The following ZBTB20 variants were observed in gnomAD, a reference collection of about 807,000 sequenced individuals.
The protein encoded by ZBTB20 is zinc finger and BTB domain-containing protein 20.
Under a neutral mutation model 56.9 loss-of-function variants are expected in ZBTB20, and 9 were observed. The ratio of observed to expected loss-of-function variants is 0.16; its 90% CI spans 0.10 to 0.28. The LOEUF is 0.28. Among genes scored for constraint, ZBTB20 ranks in the 10% least tolerant of loss-of-function variants. The pLI, the probability that ZBTB20 is intolerant of heterozygous loss-of-function variation, is 1.00. For synonymous variants in ZBTB20, 417 were observed against 420.7 expected (o/e 0.99, Z 0.11); for missense variants, 655 against 1,003.0 (o/e 0.65, Z 4.69).
In ZBTB20 at chr3:114,338,950, G is replaced by GT; in HGVS notation, c.*54dup. ...TTCTAGTGCCATAGCTTTTTTGTTT[G>GT]TTTGTTTTTTGTTGTTGTTTTGTTT... On this transcript the variant is annotated 3_prime_UTR_variant, in exon 12 of 12. Transcript: ENST00000675478. The GT allele has an allele frequency of 2.1e-6, 3 of 1,450,434 alleles. No individual in the cohort carries two copies. The highest frequency in any genetic ancestry group is 2.7e-6 in the Non-Finnish European group (3 of 1,094,452). The allele number at this position is 1,450,434 out of a possible 1,614,324, so 89.8% of individuals were successfully genotyped here.
chr3:114,458,453 T>C (rs1369167744), intron 7 of ZBTB20, among the ~76,000 whole-genome samples: 1 of 152,216 alleles, frequency 6.6e-6, no homozygotes, highest in Admixed American at 6.6e-5. Context: ...TTGAAGCTTT[T>C]TGTTTGGCAA....
chr3:114,603,760 T>C lies in ZBTB20; in HGVS notation c.-295+89768A>G, dbSNP rs149272333. On this transcript the variant is annotated intron_variant, in intron 6 of 11. Transcript: ENST00000675478. ...GATGAACAGACACCTTATGGAAAAA[T>C]AAACGCTAATGACATTAAACATATT... Among the ~76,000 whole-genome samples the C allele has an allele frequency of 8.6e-5, 13 of 151,764 alleles. 1 individual carries two copies. The East Asian group carries it at 1.9e-3, about 23-fold the overall frequency.
At chr3:114,868,934 G>A (rs569059125) in intron 4 of ZBTB20, among the ~76,000 whole-genome samples, 3 of 151,708 alleles carry the variant, frequency 2.0e-5, no homozygotes, top group African/African-American at 7.2e-5. Flanking sequence ...TTTTTTTGCA[G>A]GAAAAAGGTT....
intron 1 of ZBTB20, among the ~76,000 whole-genome samples, chr3:115,130,625 T>A (rs2084476147): frequency 6.6e-6 from 1 of 152,190 alleles, no homozygotes; most frequent in African/African-American, 2.4e-5. Flanking sequence ...AAAATTCTGG[T>A]AGCACGTGGT....
At chr3:114,741,875 T>TA (rs554920594) in intron 5 of ZBTB20, among the ~76,000 whole-genome samples, 13,092 of 100,274 alleles carry the variant, frequency 0.13, 915 homozygotes, top group East Asian at 0.39. Context: ...AGCAAGACTG[T>TA]AAAAAAAAAA....
chr3:114,772,255 C>T (rs1476867848), intron 5 of ZBTB20, among the ~76,000 whole-genome samples: 1 of 152,052 alleles, frequency 6.6e-6, no homozygotes, highest in African/African-American at 2.4e-5. Context: ...GCAGGAGAAT[C>T]GCTTGAACCT....
chr3:114,678,688 C>T (rs560640301), intron 6 of ZBTB20, among the ~76,000 whole-genome samples: 17 of 152,172 alleles, frequency 1.1e-4, no homozygotes, highest in East Asian at 1.9e-4. Flanking sequence ...GGTTCGAGTA[C>T]GTAGAATTAC....
intron 10 of ZBTB20, among the ~76,000 whole-genome samples, chr3:114,352,376 C>T (rs1042561669): frequency 3.9e-5 from 6 of 152,218 alleles, no homozygotes; most frequent in African/African-American, 7.2e-5. Context: ...TATTCATACA[C>T]AGTGACCATA....
At chr3:114,771,299 T>C (rs1310461048) in intron 5 of ZBTB20, among the ~76,000 whole-genome samples, 1 of 152,182 alleles carries the variant, frequency 6.6e-6, no homozygotes, top group Admixed American at 6.5e-5. Context: ...AACATACATA[T>C]ATCTGACTTC....
intron 5 of ZBTB20, among the ~76,000 whole-genome samples, chr3:114,708,588 A>T (rs1424687007): frequency 6.6e-6 from 1 of 152,192 alleles, no homozygotes; most frequent in Non-Finnish European, 1.5e-5. Flanking sequence ...AAATGACAGT[A>T]CATTCCTAGA....
At chr3:115,099,513 G>A (rs1389316908) in intron 1 of ZBTB20, among the ~76,000 whole-genome samples, 3 of 152,084 alleles carry the variant, frequency 2.0e-5, no homozygotes, top group Non-Finnish European at 2.9e-5. Context: ...ACATCCCCCA[G>A]ATGCAATGTT....
chr3:114,675,030 C>T (rs1204962472), intron 6 of ZBTB20, among the ~76,000 whole-genome samples: 1 of 148,840 alleles, frequency 6.7e-6, no homozygotes, highest in Non-Finnish European at 1.5e-5. Context: ...CTATTACAAA[C>T]ATTTAAAAAA....
intron 6 of ZBTB20, among the ~76,000 whole-genome samples, chr3:114,569,341 C>A (rs1315865194): frequency 6.6e-6 from 1 of 152,148 alleles, no homozygotes; most frequent in Non-Finnish European, 1.5e-5. Context: ...GTCACAAAGG[C>A]AGCATGACAC....
chr3:114,811,912 A>G (rs2072544855), intron 4 of ZBTB20, among the ~76,000 whole-genome samples: 1 of 151,860 alleles, frequency 6.6e-6, no homozygotes, highest in East Asian at 1.9e-4. Flanking sequence ...GAAGCCGCGG[A>G]CCCTCCCGGT....
intron 7 of ZBTB20, among the ~76,000 whole-genome samples, chr3:114,406,307 A>G (rs1336969354): frequency 6.6e-6 from 1 of 152,188 alleles, no homozygotes; most frequent in African/African-American, 2.4e-5. Flanking sequence ...ATCTAGCAGA[A>G]GTGAAAGAGT....
chr3:114,400,681 T>C (rs2086738229), intron 7 of ZBTB20, among the ~76,000 whole-genome samples: 1 of 152,112 alleles, frequency 6.6e-6, no homozygotes, highest in South Asian at 2.1e-4. Flanking sequence ...CCTCCAGGTG[T>C]GTCTGAAACA....
chr3:114,394,116 G>A (rs553190741), intron 7 of ZBTB20, among the ~76,000 whole-genome samples: 3 of 152,252 alleles, frequency 2.0e-5, no homozygotes, highest in African/African-American at 7.2e-5. Context: ...GCATTTATTG[G>A]ATGTCTAAAT....
At chr3:114,567,797 G>A (rs1447904511) in intron 6 of ZBTB20, among the ~76,000 whole-genome samples, 2 of 152,126 alleles carry the variant, frequency 1.3e-5, no homozygotes, top group Non-Finnish European at 2.9e-5. Context: ...TGAAACCCCT[G>A]GAATACAGAT....
At chr3:114,939,525 G>GA (rs2076659900) in intron 3 of ZBTB20, among the ~76,000 whole-genome samples, 1 of 146,022 alleles carries the variant, frequency 6.8e-6, no homozygotes, top group African/African-American at 2.8e-5. Flanking sequence ...TTGCATTTTT[G>GA]AATTTTCCAA....
Sources: gnomAD v4.1 joint callset for allele counts (sites outside exome capture counted in the v4.1 genomes callset) on GRCh38, gnomAD v4.1.1 for gene constraint, MANE v1.5 for transcripts, NCBI Gene and HGNC (gene_info 2026-07-23, HGNC 2026-07-21) for gene names.